Variants in SYNE1 observed in about 807,000 individuals in gnomAD.
SYNE1 encodes the protein spectrin repeat containing nuclear envelope protein 1.
Under a neutral mutation model 1,111.0 loss-of-function variants are expected in SYNE1, and 616 were observed. The ratio of observed to expected loss-of-function variants is 0.55; its 90% confidence interval spans 0.52 to 0.59. The LOEUF (loss-of-function observed/expected upper bound fraction) is 0.59. Ranked by LOEUF, SYNE1 falls within the 20% of genes least tolerant of loss-of-function variation. SYNE1 has a pLI of 0.00. For synonymous variants in SYNE1, 3,855 were observed against 3,825.8 expected, an observed-to-expected ratio of 1.01 and a Z score of -0.28; for missense variants, 10,006 against 10,417.0, an observed-to-expected ratio of 0.96 and a Z score of 1.72.
At chr6:152,418,064 A>G (rs1303787068) in intron 40 of SYNE1, among the ~76,000 whole-genome samples, 1 of 152,176 alleles carries the variant, frequency 6.6e-6, no homozygotes, top group African/African-American at 2.4e-5. Flanking sequence ...TCTTGACAAC[A>G]ATGACTTTAA....
At chr6:152,462,599 G>C (rs2098740931) in intron 20 of SYNE1, 139 bp downstream of exon 20, 4 of 893,830 alleles carry the variant, frequency 4.5e-6, no homozygotes, top group Non-Finnish European at 7.1e-6. Flanking sequence ...TTTCTGACAG[G>C]TGCAAATTGG....
intron 14 of SYNE1, among the ~76,000 whole-genome samples, chr6:152,475,463 A>C (rs963298699): frequency 9.9e-5 from 15 of 152,244 alleles, no homozygotes; most frequent in Admixed American, 9.2e-4. Flanking sequence ...TCATATAAGA[A>C]TATCATATCT....
intron 128 of SYNE1, among the ~76,000 whole-genome samples, chr6:152,187,686 A>G (rs1486424234): frequency 1.3e-5 from 2 of 151,952 alleles, no homozygotes; most frequent in Non-Finnish European, 2.9e-5. Flanking sequence ...TGCCATCCAC[A>G]CTAGCCTTAG....
intron 5 of SYNE1, 64 bp from the exon 6 acceptor site, chr6:152,520,606 G>T (rs1564612509): frequency 2.0e-6 from 3 of 1,535,674 alleles, no homozygotes; most frequent in Non-Finnish European, 2.7e-6. Flanking sequence ...TTAGTTATAA[G>T]ATCTATTTAA....
At chr6:152,608,396 T>C (rs1168527330) in intron 3 of SYNE1, among the ~76,000 whole-genome samples, 2 of 152,194 alleles carry the variant, frequency 1.3e-5, no homozygotes, top group Non-Finnish European at 2.9e-5. Context: ...CAGGTAAATG[T>C]AGTGTTCATA....
At position 152,628,365 on chromosome 6, in the gene SYNE1, G is replaced by C. The variant is rs375171315; in HGVS notation, c.-34C>G. ...CGGAAGCACGAAGCCAACACCAAGA[G>C]ACTCTTCACTGGAGGCAGCACAGGG... On this transcript the variant is annotated 5_prime_UTR_variant, in exon 3 of 146. Coordinates refer to ENST00000367255, the MANE Select transcript of SYNE1 (RefSeq NM_182961.4). The C allele has an allele frequency of 1.1e-5, 18 of 1,608,866 alleles. No individual in the cohort carries two copies. Among genetic ancestry groups the C allele is most frequent in the Admixed American group, 3.3e-5 (2 of 60,022 alleles).
intron 127 of SYNE1, among the ~76,000 whole-genome samples, chr6:152,192,676 G>A (rs989972544): frequency 9.2e-5 from 14 of 151,722 alleles, no homozygotes; most frequent in African/African-American, 2.7e-4. Flanking sequence ...GTTTTGCCAT[G>A]TTGACCAGGC....
intron 62 of SYNE1, among the ~76,000 whole-genome samples, chr6:152,365,664 T>C (rs2097061262): frequency 6.6e-6 from 1 of 151,536 alleles, no homozygotes; most frequent in African/African-American, 2.4e-5. Context: ...GTGAGGTCGA[T>C]GCCCAGCCTG....
At chr6:152,143,498 T>G in intron 138 of SYNE1, 125 bp downstream of exon 138, 1 of 1,402,212 alleles carries the variant, frequency 7.1e-7, no homozygotes. Context: ...ACATCCAGGT[T>G]CACGAGTTCA....
intron 42 of SYNE1, chr6:152,410,165 G>A (rs1178547134): frequency 6.3e-6 from 1 of 158,520 alleles, no homozygotes; most frequent in African/African-American, 2.4e-5. Flanking sequence ...AATAATTAAA[G>A]TATATATCAG....
At chr6:152,474,657 T>C (rs1471677595) in intron 14 of SYNE1, 2 of 152,212 alleles carry the variant, frequency 1.3e-5, no homozygotes, top group East Asian at 3.8e-4. Flanking sequence ...ATGTCAATAA[T>C]TTAATACTTG....
chr6:152,313,799 C>G (rs564603073), intron 87 of SYNE1, among the ~76,000 whole-genome samples: 4 of 152,132 alleles, frequency 2.6e-5, no homozygotes, highest in Admixed American at 1.3e-4. Flanking sequence ...AAAGGGGGCA[C>G]GTGAGAACTC....
chr6:152,436,073 G>A lies in SYNE1; in HGVS notation c.4178C>T (p.Ala1393Val), dbSNP rs2098471472. Residue 1393 changes from alanine to valine, a missense_variant, in exon 33 of 146, where the codon GCA becomes GTA. Ala to Val is a moderately conservative substitution (Grantham distance 64). This residue lies in a region of SYNE1 where 1,971 missense variants were observed against 2,084.1 expected (regional missense o/e 0.95). Coordinates refer to ENST00000367255, the MANE Select transcript of SYNE1 (RefSeq NM_182961.4). ...CTTTACAAGGTTCTCAGCCTGGACT[G>A]CAATACTTTCTGTCCGTTTAGAAAA... ...KEFSKRTESI[A>V]VQAENLVKEA... The A allele has an allele frequency of 1.9e-6, 3 of 1,613,912 alleles. No individual in the cohort carries two copies. The highest frequency in any genetic ancestry group is 2.5e-6 in the Non-Finnish European group (3 of 1,179,976).
intron 34 of SYNE1, among the ~76,000 whole-genome samples, chr6:152,431,592 G>C (rs2098429250): frequency 6.6e-6 from 1 of 152,118 alleles, no homozygotes; most frequent in African/African-American, 2.4e-5. Flanking sequence ...TTATTTCTCT[G>C]AGAAAAAGGG....
chr6:152,197,711 CTG>C (rs1159987606), intron 127 of SYNE1, among the ~76,000 whole-genome samples: 31 of 152,060 alleles, frequency 2.0e-4, no homozygotes, highest in Non-Finnish European at 4.4e-4. Flanking sequence ...ATCAGTAAAA[CTG>C]TACTGTAAAC....
chr6:152,187,728 T>TGA (rs200143003), intron 128 of SYNE1, among the ~76,000 whole-genome samples: 16,955 of 150,904 alleles, frequency 0.11, 1,300 homozygotes, highest in East Asian at 0.32. Flanking sequence ...TTTGTGTGTG[T>TGA]GAGAGAGAGA....
Position 152,325,295 on chromosome 6 carries a change from A to T in SYNE1, c.15446T>A (p.Val5149Glu). The T allele has an allele frequency of 6.2e-7, 1 of 1,614,132 alleles. No individual in the cohort carries two copies. The highest frequency in any genetic ancestry group is 2.2e-5 in the East Asian group (1 of 44,874). The change falls in exon 81 of 146, where the codon GTG becomes GAG. Residue 5149 changes from valine to glutamate, a missense_variant. Coordinates refer to ENST00000367255, the MANE Select transcript of SYNE1 (RefSeq NM_182961.4). ...CTCATGGAAAGAGTTAACCACTGACACTAAAGCCTAGGGTTGGGGGTGGAG... is the reference window on the plus strand; with the variant it reads ...CTCATGGAAAGAGTTAACCACTGACTCTAAAGCCTAGGGTTGGGGGTGGAG... Reference protein sequence around the residue: ...EEKLSEHKALVSVVNSFHEKI... With the variant: ...EEKLSEHKALESVVNSFHEKI...
chr6:152,318,049 C>A, intron 86 of SYNE1, 32 bp downstream of exon 86: 1 of 1,613,844 alleles, frequency 6.2e-7, no homozygotes, highest in Non-Finnish European at 8.5e-7. Flanking sequence ...TTCTGCCTTA[C>A]ACGATTTGGA....
intron 101 of SYNE1, among the ~76,000 whole-genome samples, chr6:152,257,680 G>C (rs917582467): frequency 4.6e-5 from 7 of 152,100 alleles, no homozygotes; most frequent in African/African-American, 1.4e-4. Flanking sequence ...CACTGGCATA[G>C]AGAAAACTCT....
Sources: allele counts gnomAD v4.1 joint callset (sites outside exome capture counted in the v4.1 genomes callset), GRCh38; gene constraint gnomAD v4.1.1; regional missense constraint gnomAD v4.1.1; transcripts MANE v1.5; gene names NCBI Gene and HGNC (gene_info 2026-07-23, HGNC 2026-07-21).